TAS2R1: variants seen among roughly 807,000 people sequenced by gnomAD.
TAS2R1 encodes the protein taste receptor type 2 member 1.
For synonymous variants in TAS2R1, 141 were observed against 134.2 expected (o/e 1.05, Z -0.35); for missense variants, 370 against 353.4 (o/e 1.05, Z -0.38).
chr5:9,767,923 C>CAAAA, the TAS2R1 span, among the ~76,000 whole-genome samples: 69 of 96,204 alleles, frequency 7.2e-4, 3 homozygotes, highest in African/African-American at 2.2e-3. Flanking sequence ...GACTCCGTCT[C>CAAAA]AAAAAAAAAA....
intron 1 of TAS2R1, among the ~76,000 whole-genome samples, chr5:9,671,421 T>G (rs1471346038): frequency 6.6e-6 from 1 of 152,140 alleles, no homozygotes; most frequent in Admixed American, 6.6e-5. Flanking sequence ...CTTCTAGATA[T>G]GATAAACAAC....
chr5:9,636,902 C>A (rs1260915685), intron 2 of TAS2R1, among the ~76,000 whole-genome samples: 1 of 151,980 alleles, frequency 6.6e-6, no homozygotes, highest in Non-Finnish European at 1.5e-5. Context: ...TTAAGTGAAG[C>A]ATTTAGGCCA....
chr5:9,783,157 C>G, the TAS2R1 span, among the ~76,000 whole-genome samples: 1 of 152,160 alleles, frequency 6.6e-6, no homozygotes, highest in Non-Finnish European at 1.5e-5. Flanking sequence ...TTAAATCCAG[C>G]CATTTAAATG....
At chr5:9,666,732 A>G (rs1455208825) in intron 1 of TAS2R1, among the ~76,000 whole-genome samples, 1 of 152,196 alleles carries the variant, frequency 6.6e-6, no homozygotes, top group African/African-American at 2.4e-5. Context: ...GCAAGAAACA[A>G]GAAGGCAAAA....
At chr5:9,766,501 G>T in the TAS2R1 span, among the ~76,000 whole-genome samples, 1 of 152,230 alleles carries the variant, frequency 6.6e-6, no homozygotes, top group African/African-American at 2.4e-5. Context: ...ATGCATTCCT[G>T]CCTGGGGCAG....
the TAS2R1 span, among the ~76,000 whole-genome samples, chr5:9,813,460 G>A: frequency 1.3e-5 from 2 of 152,138 alleles, no homozygotes; most frequent in Non-Finnish European, 2.9e-5. Context: ...GCTGGCCTGG[G>A]GATGACTAGA....
At chr5:9,672,415 C>T (rs115277918) in intron 1 of TAS2R1, among the ~76,000 whole-genome samples, 4 of 151,816 alleles carry the variant, frequency 2.6e-5, no homozygotes, top group African/African-American at 4.8e-5. Context: ...AGAATCTATA[C>T]GGAACTCAAA....
the TAS2R1 span, among the ~76,000 whole-genome samples, chr5:9,802,235 G>A: frequency 2.0e-5 from 3 of 152,148 alleles, no homozygotes; most frequent in Non-Finnish European, 4.4e-5. Context: ...GAGATCTGAA[G>A]ACAGATCACA....
At chr5:9,705,949 C>T (rs1261702534) in intron 1 of TAS2R1, among the ~76,000 whole-genome samples, 1 of 152,138 alleles carries the variant, frequency 6.6e-6, no homozygotes, top group East Asian at 1.9e-4. Context: ...AGGAAGGGAC[C>T]TGGGTGAGTG....
At chr5:9,902,814 C>T in the TAS2R1 span, 1 of 151,780 alleles carries the variant, frequency 6.6e-6, no homozygotes, top group Non-Finnish European at 1.5e-5. Context: ...ATACCCCTCA[C>T]CACCTTTGAA....
chr5:9,833,019 G>A, the TAS2R1 span, among the ~76,000 whole-genome samples: 1 of 152,230 alleles, frequency 6.6e-6, no homozygotes, highest in African/African-American at 2.4e-5. Context: ...ACAAGAGGCA[G>A]AGGCTTTCAG....
chr5:9,883,083 G>C, the TAS2R1 span, among the ~76,000 whole-genome samples: 3 of 152,188 alleles, frequency 2.0e-5, no homozygotes, highest in Non-Finnish European at 2.9e-5. Flanking sequence ...CAGGGACATG[G>C]ATGGAGCTGG....
chr5:9,845,043 T>C, the TAS2R1 span, among the ~76,000 whole-genome samples: 1 of 152,176 alleles, frequency 6.6e-6, no homozygotes, highest in South Asian at 2.1e-4. Context: ...GACTGAATAT[T>C]TGTGTCCCTC....
chr5:9,848,377 A>G, the TAS2R1 span, among the ~76,000 whole-genome samples: 1 of 152,210 alleles, frequency 6.6e-6, no homozygotes, highest in Non-Finnish European at 1.5e-5. Context: ...AATTGTAAGC[A>G]TCTTAACCAA....
the TAS2R1 span, among the ~76,000 whole-genome samples, chr5:9,849,714 C>A: frequency 6.6e-6 from 1 of 152,196 alleles, no homozygotes. Context: ...TAAATACTAC[C>A]TGGTCCACTT....
chr5:9,901,478 A>G, the TAS2R1 span, among the ~76,000 whole-genome samples: 1 of 152,048 alleles, frequency 6.6e-6, no homozygotes, highest in Non-Finnish European at 1.5e-5. Context: ...CCAGGAAACA[A>G]TAAGAAAAAA....
chr5:9,743,789 T>C, the TAS2R1 span, among the ~76,000 whole-genome samples: 1 of 152,114 alleles, frequency 6.6e-6, no homozygotes, highest in Non-Finnish European at 1.5e-5. Flanking sequence ...TTTAGAAAGA[T>C]GTTTCTGGAT....
At chr5:9,678,774 C>G (rs999670411) in intron 1 of TAS2R1, among the ~76,000 whole-genome samples, 6 of 151,972 alleles carry the variant, frequency 3.9e-5, no homozygotes, top group East Asian at 1.9e-4. Flanking sequence ...CACACTGGAG[C>G]CTGTTGGGGG....
chr5:9,731,048 A>G, the TAS2R1 span, among the ~76,000 whole-genome samples: 1 of 152,106 alleles, frequency 6.6e-6, no homozygotes, highest in African/African-American at 2.4e-5. Context: ...TACATAGCAC[A>G]TAGGTGGACT....
Sources: gnomAD v4.1 joint callset for allele counts (sites outside exome capture counted in the v4.1 genomes callset) on GRCh38, gnomAD v4.1.1 for gene constraint, MANE v1.5 for transcripts, NCBI Gene and HGNC (gene_info 2026-07-23, HGNC 2026-07-21) for gene names.